Variants in ZNF195 observed in about 807,000 individuals in gnomAD.
ZNF195 encodes hypoxia-regulated factor-1.
In ZNF195, 11 loss-of-function variants were observed where a neutral mutation model predicts 19.5. The observed-to-expected ratio is 0.57, with a 90% CI of 0.36 to 0.94. The LOEUF is 0.94. Ranked by LOEUF, ZNF195 falls within the 40% of genes least tolerant of loss-of-function variation. The pLI, the probability that ZNF195 is intolerant of heterozygous loss-of-function variation, is 0.01. For missense variants in ZNF195, 582 were observed against 709.0 expected, an observed-to-expected ratio of 0.82 and a Z score of 2.03; for synonymous variants, 214 against 248.1, an observed-to-expected ratio of 0.86 and a Z score of 1.29.
At position 3,379,004 on chromosome 11, in the gene ZNF195, C is replaced by G. The variant is rs1460498261; in HGVS notation, c.3+34G>C. 5 of 1,403,686 alleles carry G rather than the reference C, an allele frequency of 3.6e-6. No homozygotes were observed. In the South Asian group the frequency reaches 7.9e-5, roughly 22 times the overall value. The allele number at this position is 1,403,686 out of a possible 1,614,324, so 87.0% of individuals were successfully genotyped here. On this transcript the variant is annotated intron_variant, in intron 1 of 5. Transcript: ENST00000399602. Reference sequence around the variant, plus strand: ...TACCGCGGGTTCCAGTCCGCCCCTCCCTGTCTCTCAGGAGGCCTGGCCCCT... The same window carrying G: ...TACCGCGGGTTCCAGTCCGCCCCTCGCTGTCTCTCAGGAGGCCTGGCCCCT...
intron 3 of ZNF195, among the ~76,000 whole-genome samples, chr11:3,363,102 A>C (rs1036540094): frequency 5.9e-5 from 9 of 152,256 alleles, no homozygotes; most frequent in African/African-American, 2.2e-4. Flanking sequence ...ATATATATTT[A>C]GGTATTGAAG....
intron 3 of ZNF195, chr11:3,369,599 C>T: frequency 2.7e-6 from 1 of 373,092 alleles, no homozygotes; most frequent in Non-Finnish European, 5.6e-6. Flanking sequence ...CGTGGATGAC[C>T]CTGAAGGACA....
chr11:3,369,816 C>T (rs1374904326), intron 3 of ZNF195, among the ~76,000 whole-genome samples: 1 of 152,172 alleles, frequency 6.6e-6, no homozygotes, highest in Non-Finnish European at 1.5e-5. Context: ...AGTAGCTTCA[C>T]GAATACTATT....
intron 3 of ZNF195, among the ~76,000 whole-genome samples, chr11:3,370,195 TAC>T (rs771494133): frequency 3.2e-5 from 4 of 126,512 alleles, no homozygotes; most frequent in African/African-American, 1.2e-4. Flanking sequence ...ATATGATATA[TAC>T]ACACACATAT....
At chr11:3,362,588 C>A (rs1848685045) in intron 3 of ZNF195, 1 of 593,902 alleles carries the variant, frequency 1.7e-6, no homozygotes, top group Admixed American at 2.5e-5. Context: ...TCCATGGTAA[C>A]CACAAAGAAA....
At chr11:3,369,507 A>G (rs1207952637) in intron 3 of ZNF195, 8 of 453,752 alleles carry the variant, frequency 1.8e-5, no homozygotes, top group African/African-American at 1.6e-4. Context: ...CGGATGCTGA[A>G]TGGATAAAGA....
At chr11:3,370,020 A>G (rs1475331854) in intron 3 of ZNF195, among the ~76,000 whole-genome samples, 5 of 152,212 alleles carry the variant, frequency 3.3e-5, no homozygotes, top group African/African-American at 1.2e-4. Flanking sequence ...ATAATCTGTT[A>G]CACATATGCC....
chr11:3,368,859 GAGAAACAGAA>G (rs1849037035), intron 3 of ZNF195: 1 of 455,364 alleles, frequency 2.2e-6, no homozygotes, highest in African/African-American at 2.0e-5. Context: ...CTTGGTCCTG[GAGAAACAGAA>G]TACCCGCAAT....
At chr11:3,369,759 G>T (rs1020237943) in intron 3 of ZNF195, among the ~76,000 whole-genome samples, 1 of 152,158 alleles carries the variant, frequency 6.6e-6, no homozygotes, top group African/African-American at 2.4e-5. Context: ...TTGTTCAAAA[G>T]GTACAAACTT....
At position 3,369,706 on chromosome 11, in the gene ZNF195, A is replaced by G. The variant is rs1002298380; in HGVS notation, c.226+1269T>C. ...GTGGCTGAACTCACAGGAGCAGAGG[A>G]CAATGGCAGTTGCCAGGGCCTGGAG... On this transcript the variant is annotated intron_variant, in intron 3 of 5. Coordinates refer to ENST00000399602, the MANE Select transcript of ZNF195 (RefSeq NM_001130520.3). Among the ~76,000 whole-genome samples, 3 of 152,238 alleles carry G rather than the reference A, an allele frequency of 2.0e-5. No homozygotes were observed. In the East Asian group the frequency reaches 5.8e-4, roughly 29 times the overall value.
chr11:3,363,736 T>G (rs1277371567), intron 3 of ZNF195, among the ~76,000 whole-genome samples: 1 of 152,232 alleles, frequency 6.6e-6, no homozygotes. Flanking sequence ...GGAACAATGT[T>G]GGAGGTATCA....
chr11:3,365,409 T>C (rs909846724), intron 3 of ZNF195, among the ~76,000 whole-genome samples: 2 of 152,212 alleles, frequency 1.3e-5, no homozygotes, highest in African/African-American at 4.8e-5. Flanking sequence ...GAAAGTCTCA[T>C]GACATGTTTT....
At chr11:3,375,915 TGA>T (rs1305001869) in intron 1 of ZNF195, among the ~76,000 whole-genome samples, 1 of 152,224 alleles carries the variant, frequency 6.6e-6, no homozygotes, top group Non-Finnish European at 1.5e-5. Context: ...CAGGTGCTGG[TGA>T]GAGAGTTCCT....
rs575208614 is a variant in ZNF195, at chr11:3,367,046, T to C, written c.226+3929A>G. 1.5e-3 allele frequency: 534 copies of C among 366,244 alleles called. 3 individuals are homozygous for C. The highest frequency in any genetic ancestry group is 0.01 in the African/African-American group (449 of 44,308). 22.7% of individuals were successfully genotyped at this position (366,244 alleles called of 1,614,324 possible). A position where few individuals can be genotyped will look rare whatever the true frequency, so the allele number is the denominator to read the frequency against. On this transcript the variant is annotated intron_variant, in intron 3 of 5. Transcript: ENST00000399602. ...CACCACTGCACTACAGCCTGGGTGA[T>C]AGAGTGAAACTCTGTGTAAAAAAAA...
Position 3,368,918 on chromosome 11 carries a change from C to A in ZNF195, c.226+2057G>T, listed in dbSNP as rs973410177. On this transcript the variant is annotated intron_variant, in intron 3 of 5. Transcript: ENST00000399602. The stretch of plus-strand genomic sequence containing the variant: ...TAGCCCATTTTTCTTACACCATACT[C>A]AAAAATTAACTTGAAATCAAGCCTA... 150 of 445,578 alleles carry A rather than the reference C, an allele frequency of 3.4e-4. 1 individual carries two copies. Among genetic ancestry groups the A allele is most frequent in the Non-Finnish European group, 9.9e-5 (22 of 221,658 alleles). The allele number at this position is 445,578 out of a possible 1,614,324, so 27.6% of individuals were successfully genotyped here.
rs913652973 is a variant in ZNF195 at position 3,360,793 on chromosome 11, G to A, written c.374-5C>T. On this transcript the variant is annotated splice_polypyrimidine_tract_variant and splice_region_variant and intron_variant, in intron 4 of 5. Coordinates refer to ENST00000399602, the MANE Select transcript of ZNF195 (RefSeq NM_001130520.3). ...GCACCCCAGGTGAGCACAGTGCTAGGAGCCAGATAAGAAGAAAAACAGTCT... is the reference window on the plus strand; with the variant it reads ...GCACCCCAGGTGAGCACAGTGCTAGAAGCCAGATAAGAAGAAAAACAGTCT... The A allele has an allele frequency of 6.4e-7, 1 of 1,550,628 alleles. No individual in the cohort carries two copies. Among genetic ancestry groups the A allele is most frequent in the Non-Finnish European group, 8.7e-7 (1 of 1,146,676 alleles).
chr11:3,371,803 A>G, intron 1 of ZNF195, 100 bp from the exon 2 acceptor site: 2 of 1,348,510 alleles, frequency 1.5e-6, no homozygotes, highest in Non-Finnish European at 2.0e-6. Context: ...GAAATTATAC[A>G]ATAAGGTAAT....
intron 3 of ZNF195, chr11:3,362,856 C>G (rs1163204300): frequency 1.7e-5 from 4 of 234,276 alleles, no homozygotes; most frequent in African/African-American, 8.9e-5. Flanking sequence ...CACTTGAGAT[C>G]TAATGACAAA....
intron 3 of ZNF195, among the ~76,000 whole-genome samples, chr11:3,368,547 C>T (rs1395156675): frequency 6.6e-6 from 1 of 152,176 alleles, no homozygotes; most frequent in Non-Finnish European, 1.5e-5. Context: ...ATTCCAGTGG[C>T]CTTTTTCACA....
Sources: gnomAD v4.1 joint callset for allele counts (sites outside exome capture counted in the v4.1 genomes callset) on GRCh38, gnomAD v4.1.1 for gene constraint, MANE v1.5 for transcripts, NCBI Gene and HGNC (gene_info 2026-07-23, HGNC 2026-07-21) for gene names.